TMBIM6: variants seen among roughly 807,000 people sequenced by gnomAD.
The protein encoded by TMBIM6 is bax inhibitor 1.
Under a neutral mutation model 31.4 loss-of-function variants are expected in TMBIM6, and 13 were observed. The observed-to-expected ratio is 0.41, with a 90% CI of 0.27 to 0.66. The LOEUF (loss-of-function observed/expected upper bound fraction) is 0.66, where lower values mean the gene tolerates loss of function less well. Ranked by LOEUF, TMBIM6 falls within the 30% of genes least tolerant of loss-of-function variation. The pLI is 0.28. For missense variants in TMBIM6, 275 were observed against 289.5 expected (o/e 0.95, Z 0.36); for synonymous variants, 85 against 101.7 (o/e 0.84, Z 0.99).
intron 1 of TMBIM6, among the ~76,000 whole-genome samples, chr12:49,748,297 A>G (rs188295844): frequency 1.5e-3 from 227 of 152,224 alleles, no homozygotes; most frequent in African/African-American, 5.3e-3. Flanking sequence ...GGAGATACCT[A>G]GAACAAAACA....
At chr12:49,745,724 C>CAAAA (rs761232522) in intron 1 of TMBIM6, among the ~76,000 whole-genome samples, 2 of 114,128 alleles carry the variant, frequency 1.8e-5, no homozygotes, top group African/African-American at 8.8e-5. Flanking sequence ...GACTCTGTCT[C>CAAAA]AAAAAAAAAA....
intron 4 of TMBIM6, among the ~76,000 whole-genome samples, chr12:49,757,372 A>T (rs145631119): frequency 1.3e-3 from 199 of 152,334 alleles, no homozygotes; most frequent in South Asian, 0.011. Flanking sequence ...AGAATCCGAC[A>T]TAGTTGCACC....
intron 1 of TMBIM6, among the ~76,000 whole-genome samples, chr12:49,743,881 T>C (rs1266802852): frequency 7.9e-6 from 1 of 127,352 alleles, no homozygotes; most frequent in Non-Finnish European, 1.5e-5. Context: ...TCAATACTAA[T>C]GTTTGTTTTA....
rs945653503 is a variant in TMBIM6, at chr12:49,753,151, G to T, written c.165+70G>T. On this transcript the variant is annotated intron_variant, in intron 3 of 9. Transcript: ENST00000267115. ...TAGGAAAAAACCAGCTCAGCAAGGT[G>T]GTCCAAGGGACCCTGTTCCTCTCTT... 4.1e-6 allele frequency: 5 copies of T among 1,227,722 alleles called. 1 individual carries two copies. In the African/African-American group the frequency reaches 7.6e-5, roughly 19 times the overall value. The allele number at this position is 1,227,722 out of a possible 1,614,324, so 76.1% of individuals were successfully genotyped here. A position where few individuals can be genotyped will look rare whatever the true frequency, so the allele number is the denominator to read the frequency against.
intron 1 of TMBIM6, among the ~76,000 whole-genome samples, chr12:49,748,942 G>A (rs904803275): frequency 1.3e-5 from 2 of 152,064 alleles, no homozygotes; most frequent in South Asian, 2.1e-4. Flanking sequence ...GAATGTTAGC[G>A]AGTTACTTGG....
chr12:49,742,366 T>C, intron 1 of TMBIM6: 2 of 1,480,776 alleles, frequency 1.4e-6, no homozygotes, highest in South Asian at 1.4e-5. Flanking sequence ...GGGCAGTTTT[T>C]ATCTTGGGCC....
chr12:49,742,250 C>A, intron 1 of TMBIM6: 1 of 1,608,932 alleles, frequency 6.2e-7, no homozygotes, highest in African/African-American at 1.3e-5. Context: ...GGGGCGGCCC[C>A]GCTCTTTTCG....
rs553019068 is a variant in TMBIM6 at position 49,756,080 on chromosome 12, G to T, written c.286+325G>T. Among the ~76,000 whole-genome samples, 3 of 151,694 alleles carry T rather than the reference G, an allele frequency of 2.0e-5. No individual in the cohort carries two copies. The South Asian group carries it at 6.3e-4, about 32-fold the overall frequency. ...GATCTCCTGACCTCATGATCCGCCCGTCTCGGCCTCCTAAAATGCTAGGAT... is the reference window on the plus strand; with the variant it reads ...GATCTCCTGACCTCATGATCCGCCCTTCTCGGCCTCCTAAAATGCTAGGAT... On this transcript the variant is annotated intron_variant, in intron 4 of 9. Coordinates refer to ENST00000267115, the MANE Select transcript of TMBIM6 (RefSeq NM_003217.3).
intron 8 of TMBIM6, among the ~76,000 whole-genome samples, chr12:49,760,542 T>TC (rs1945697537): frequency 6.7e-6 from 1 of 148,390 alleles, no homozygotes; most frequent in East Asian, 2.0e-4. Flanking sequence ...ACTTTTTTTT[T>TC]TTTTTTTTTT....
chr12:49,755,443 ACT>A (rs750842395), intron 3 of TMBIM6, among the ~76,000 whole-genome samples, 190 bp from the exon 4 acceptor site: 1 of 152,000 alleles, frequency 6.6e-6, no homozygotes, highest in African/African-American at 2.4e-5. Flanking sequence ...CATGGTCCTA[ACT>A]CTGTGCTTCA....
chr12:49,759,178 G>GC (rs770486437), intron 7 of TMBIM6, 43 bp from the exon 8 acceptor site: 1 of 1,532,336 alleles, frequency 6.5e-7, no homozygotes, highest in Non-Finnish European at 9.0e-7. Context: ...TTTTTTCTCT[G>GC]CAACTTCTGC....
chr12:49,756,157 A>C (rs112062323), intron 4 of TMBIM6, among the ~76,000 whole-genome samples: 3,976 of 149,948 alleles, frequency 0.027, 67 homozygotes, highest in East Asian at 0.053. Context: ...TTTTTGAGAC[A>C]GTGTCTCCGT....
intron 1 of TMBIM6, among the ~76,000 whole-genome samples, chr12:49,750,324 T>G (rs1290594584): frequency 6.6e-6 from 1 of 152,236 alleles, no homozygotes; most frequent in Non-Finnish European, 1.5e-5. Context: ...TTACCTTTCT[T>G]TAATTCTTGT....
At chr12:49,743,227 TTTA>T (rs1041331148) in intron 1 of TMBIM6, among the ~76,000 whole-genome samples, 2 of 149,762 alleles carry the variant, frequency 1.3e-5, no homozygotes, top group Admixed American at 6.6e-5. Flanking sequence ...GATTTATTTA[TTTA>T]TTATTATTAT....
At chr12:49,755,265 C>G (rs1053161602) in intron 3 of TMBIM6, among the ~76,000 whole-genome samples, 3 of 152,000 alleles carry the variant, frequency 2.0e-5, no homozygotes. Flanking sequence ...TTTAAAGTGA[C>G]CAAAGGGGGA....
At chr12:49,752,319 A>T in intron 1 of TMBIM6, 145 bp from the exon 2 acceptor site, 1 of 517,760 alleles carries the variant, frequency 1.9e-6, no homozygotes, top group South Asian at 3.2e-5. Flanking sequence ...TAGGACACAT[A>T]AAAATAAAAA....
chr12:49,757,021 T>A (rs1490863717), intron 4 of TMBIM6, among the ~76,000 whole-genome samples: 1 of 151,822 alleles, frequency 6.6e-6, no homozygotes, highest in Non-Finnish European at 1.5e-5. Context: ...CATGAGCCAC[T>A]GCCCCTGGCC....
At chr12:49,747,880 T>G (rs1035982092) in intron 1 of TMBIM6, among the ~76,000 whole-genome samples, 1 of 152,232 alleles carries the variant, frequency 6.6e-6, no homozygotes, top group Middle Eastern at 3.4e-3. Context: ...GGAATAGGAC[T>G]GAAGAGAATG....
intron 9 of TMBIM6, 188 bp downstream of exon 9, chr12:49,761,967 A>T (rs574755126): frequency 1.0e-4 from 59 of 577,260 alleles, no homozygotes; most frequent in African/African-American, 4.2e-4. Context: ...TGAAAAAAAA[A>T]TTTTTTTAAC....
Sources: allele counts gnomAD v4.1 joint callset (sites outside exome capture counted in the v4.1 genomes callset), GRCh38; gene constraint gnomAD v4.1.1; transcripts MANE v1.5; gene names NCBI Gene and HGNC (gene_info 2026-07-23, HGNC 2026-07-21).